Variants in SEMA6D observed in about 807,000 individuals in gnomAD.
SEMA6D encodes semaphorin 6D, also known as semaphorin-6D.
In SEMA6D, 35 loss-of-function variants were observed where a neutral mutation model predicts 106.6. That is an observed-to-expected ratio of 0.33 (90% CI 0.25 to 0.44). SEMA6D has a LOEUF of 0.44. SEMA6D is among the 20% of genes least tolerant of loss of function. The probability of loss-of-function intolerance (pLI) is 1.00; values close to 1 mark genes in which losing one functional copy is unlikely to be tolerated. For synonymous variants in SEMA6D, 499 were observed against 487.7 expected, an observed-to-expected ratio of 1.02 and a Z score of -0.31; for missense variants, 1,185 against 1,345.9, an observed-to-expected ratio of 0.88 and a Z score of 1.87.
Position 47,759,756 on chromosome 15 carries a change from G to A in SEMA6D, c.-43G>A, listed in dbSNP as rs1324328321. 6.5e-6 allele frequency: 9 copies of A among 1,389,884 alleles called. 1 individual carries two copies. In the South Asian group the frequency reaches 9.2e-5, roughly 14 times the overall value. The allele number at this position is 1,389,884 out of a possible 1,614,324, so 86.1% of individuals were successfully genotyped here. The stretch of plus-strand genomic sequence containing the variant: ...CTTCTGTTTTCCAGGTAGCTCAGTG[G>A]CATTTCTGAGCAGGGGCCACCCTGA... On this transcript the variant is annotated 5_prime_UTR_variant, in exon 2 of 19. Coordinates refer to ENST00000536845, the MANE Select transcript of SEMA6D (RefSeq NM_001358351.3).
intron 3 of SEMA6D, among the ~76,000 whole-genome samples, chr15:47,513,990 G>A (rs1040269886): frequency 3.3e-5 from 5 of 152,252 alleles, no homozygotes; most frequent in African/African-American, 7.2e-5. Context: ...ATGCAGCTCC[G>A]CCATAGAAAC....
chr15:47,463,119 T>C (rs1027781970), intron 2 of SEMA6D, among the ~76,000 whole-genome samples: 3 of 152,136 alleles, frequency 2.0e-5, no homozygotes, highest in Admixed American at 6.6e-5. Context: ...CAATCCATGA[T>C]AACAGTAACA....
At chr15:47,352,982 A>C (rs957624816) in intron 1 of SEMA6D, among the ~76,000 whole-genome samples, 4 of 152,038 alleles carry the variant, frequency 2.6e-5, no homozygotes, top group Non-Finnish European at 5.9e-5. Flanking sequence ...CCTCTATACA[A>C]ATGTTTATTT....
intron 1 of SEMA6D, among the ~76,000 whole-genome samples, chr15:47,748,774 G>A (rs1443625866): frequency 1.3e-5 from 2 of 152,200 alleles, no homozygotes; most frequent in Non-Finnish European, 2.9e-5. Flanking sequence ...TTTACACATA[G>A]GCCTTCGGGA....
intron 3 of SEMA6D, among the ~76,000 whole-genome samples, chr15:47,490,827 A>G (rs184339373): frequency 1.3e-4 from 20 of 152,348 alleles, no homozygotes; most frequent in African/African-American, 4.3e-4. Context: ...AAAACAGTAC[A>G]TATATTTGAT....
At chr15:47,187,987 C>G (rs1240221680) in intron 1 of SEMA6D, among the ~76,000 whole-genome samples, 1 of 152,156 alleles carries the variant, frequency 6.6e-6, no homozygotes, top group Non-Finnish European at 1.5e-5. Flanking sequence ...CAGGCACTAA[C>G]TTCATAAAGC....
At chr15:47,622,351 A>G (rs1323507400) in intron 4 of SEMA6D, among the ~76,000 whole-genome samples, 4 of 152,172 alleles carry the variant, frequency 2.6e-5, no homozygotes, top group African/African-American at 4.8e-5. Context: ...TCTGATTTCC[A>G]TGAGGTTTCC....
intron 1 of SEMA6D, among the ~76,000 whole-genome samples, chr15:47,405,908 T>C (rs1011580381): frequency 5.9e-5 from 9 of 152,098 alleles, no homozygotes; most frequent in African/African-American, 1.9e-4. Flanking sequence ...CTCCAAAGTG[T>C]GAAAAGGACA....
At chr15:47,520,725 G>A (rs1161684668) in intron 3 of SEMA6D, among the ~76,000 whole-genome samples, 1 of 152,174 alleles carries the variant, frequency 6.6e-6, no homozygotes, top group African/African-American at 2.4e-5. Context: ...TGGAGGTTGA[G>A]AGGTTCAAAG....
intron 1 of SEMA6D, among the ~76,000 whole-genome samples, chr15:47,195,936 A>G (rs7176523): frequency 0.19 from 2,799 of 14,468 alleles, 85 homozygotes; most frequent in South Asian, 0.25. Flanking sequence ...CAGCAGAGAA[A>G]GCAAGGCCCC....
chr15:47,429,742 T>C (rs2041461926), intron 2 of SEMA6D, among the ~76,000 whole-genome samples: 1 of 148,338 alleles, frequency 6.7e-6, no homozygotes, highest in Admixed American at 6.7e-5. Flanking sequence ...GGTTCAAGAG[T>C]ATTTAAAGAT....
intron 1 of SEMA6D, among the ~76,000 whole-genome samples, chr15:47,271,076 A>G (rs1306762045): frequency 6.6e-6 from 1 of 152,204 alleles, no homozygotes; most frequent in Non-Finnish European, 1.5e-5. Context: ...CTTTTGTGGT[A>G]AAGTCTATAT....
intron 1 of SEMA6D, among the ~76,000 whole-genome samples, chr15:47,203,971 T>C (rs940862121): frequency 6.6e-6 from 1 of 152,154 alleles, no homozygotes; most frequent in East Asian, 1.9e-4. Flanking sequence ...AATTTGACAA[T>C]AAAATATCTA....
At chr15:47,662,855 GCGCACA>G (rs1456571294) in intron 4 of SEMA6D, among the ~76,000 whole-genome samples, 100 of 104,772 alleles carry the variant, frequency 9.5e-4, no homozygotes, top group South Asian at 3.1e-3. Flanking sequence ...GCGTGTATGA[GCGCACA>G]CACACACACA....
At chr15:47,757,591 T>C (rs2081825476) in intron 1 of SEMA6D, among the ~76,000 whole-genome samples, 1 of 152,138 alleles carries the variant, frequency 6.6e-6, no homozygotes, top group Admixed American at 6.5e-5. Context: ...GTTGTTGAGG[T>C]AGGATAGTAG....
chr15:47,185,891 C>G (rs1279030749), intron 1 of SEMA6D: 1 of 152,018 alleles, frequency 6.6e-6, no homozygotes, highest in Non-Finnish European at 1.5e-5. Flanking sequence ...AAAAAATGCT[C>G]TTTCTTTTTC....
At chr15:47,443,058 C>T (rs1022466845) in intron 2 of SEMA6D, among the ~76,000 whole-genome samples, 6 of 152,144 alleles carry the variant, frequency 3.9e-5, no homozygotes, top group African/African-American at 1.2e-4. Context: ...AATTAGCCTT[C>T]TGCCAGTGAG....
rs1455030787 is a variant in SEMA6D at position 47,422,180 on chromosome 15, G to GCCTGCCTTCCTTCCTT, written c.-159+9711_-159+9712insGCCTTCCTTCCTTCCT. 8.2e-3 allele frequency among the ~76,000 whole-genome samples: 930 copies of GCCTGCCTTCCTTCCTT among 112,850 alleles called. 6 individuals carry two copies. The highest frequency in any genetic ancestry group is 0.033 in the East Asian group (108 of 3,248). The allele number at this position is 112,850 out of a possible 152,430, so 74.0% of individuals were successfully genotyped here. ...TTATTTTTTGCCCGCCCGCCTGCCT[G>GCCTGCCTTCCTTCCTT]CCTTCCTTCCTTCCTTCCTTCCTTC... On this transcript the variant is annotated intron_variant, in intron 2 of 19. Transcript: ENST00000558014.
chr15:47,552,060 A>G (rs1435748), intron 3 of SEMA6D, among the ~76,000 whole-genome samples: 150,730 of 152,186 alleles, frequency 0.99, 74,658 homozygotes, highest in Middle Eastern at 1. Flanking sequence ...ACAGTCATAC[A>G]CATATGTTCA....
Sources: allele counts gnomAD v4.1 joint callset (sites outside exome capture counted in the v4.1 genomes callset), GRCh38; gene constraint gnomAD v4.1.1; transcripts MANE v1.5; gene names NCBI Gene and HGNC (gene_info 2026-07-23, HGNC 2026-07-21).